NCAM2: variants seen among roughly 807,000 people sequenced by gnomAD.
The protein encoded by NCAM2 is N-CAM-2.
NCAM2 carries 30 observed loss-of-function variants against 98.1 expected under a neutral mutation model. The ratio of observed to expected loss-of-function variants is 0.31; its 90% CI spans 0.23 to 0.41. The LOEUF is 0.41. NCAM2 is among the 10% of genes least tolerant of loss of function. The pLI, the probability that NCAM2 is intolerant of heterozygous loss-of-function variation, is 1.00. For missense variants in NCAM2, 867 were observed against 1,005.8 expected, an observed-to-expected ratio of 0.86 and a Z score of 1.87; for synonymous variants, 368 against 342.4, an observed-to-expected ratio of 1.07 and a Z score of -0.83.
At chr21:21,278,059 T>C (rs2072792808) in intron 1 of NCAM2, among the ~76,000 whole-genome samples, 1 of 152,098 alleles carries the variant, frequency 6.6e-6, no homozygotes, top group South Asian at 2.1e-4. Flanking sequence ...GATGGCAAGA[T>C]TAGATTTTGA....
chr21:21,170,838 G>A (rs979084309), intron 1 of NCAM2, among the ~76,000 whole-genome samples: 1 of 152,110 alleles, frequency 6.6e-6, no homozygotes, highest in South Asian at 2.1e-4. Context: ...TCCTAGAGGG[G>A]GGAAGGCTGT....
chr21:21,427,233 AG>A (rs1357467355), intron 11 of NCAM2, among the ~76,000 whole-genome samples: 6 of 152,164 alleles, frequency 3.9e-5, no homozygotes, highest in Non-Finnish European at 2.9e-5. Context: ...AACAAAAAAA[AG>A]AGATCTTTAT....
chr21:21,383,841 T>G (rs232425), intron 9 of NCAM2, among the ~76,000 whole-genome samples: 57,480 of 151,834 alleles, frequency 0.38, 11,202 homozygotes, highest in East Asian at 0.58. Context: ...TTTCACATTG[T>G]TTAGAGTATT....
chr21:21,018,130 A>G (rs566368795), intron 1 of NCAM2, among the ~76,000 whole-genome samples: 1 of 152,322 alleles, frequency 6.6e-6, no homozygotes, highest in East Asian at 1.9e-4. Flanking sequence ...ACTGAAGACT[A>G]ATTAGCCAGT....
At chr21:21,182,859 G>A (rs757015641) in intron 1 of NCAM2, among the ~76,000 whole-genome samples, 14 of 152,056 alleles carry the variant, frequency 9.2e-5, no homozygotes, top group South Asian at 2.1e-4. Context: ...CATCCAAATC[G>A]TTTTAGTCAC....
At chr21:21,312,722 C>G (rs1601943537) in intron 5 of NCAM2, among the ~76,000 whole-genome samples, 1 of 151,656 alleles carries the variant, frequency 6.6e-6, no homozygotes, top group East Asian at 1.9e-4. Context: ...CAGCATAATG[C>G]TGTGTTCATA....
chr21:21,081,615 A>G (rs1187788408), intron 1 of NCAM2, among the ~76,000 whole-genome samples: 3 of 149,758 alleles, frequency 2.0e-5, no homozygotes, highest in Non-Finnish European at 4.4e-5. Context: ...AGCCTGGCCA[A>G]CATGGTGAAA....
In NCAM2 at chr21:21,533,491, C is replaced by T. The variant is rs1024694588; in HGVS notation, c.2283-1046C>T. Among the ~76,000 whole-genome samples, 5 of 151,648 alleles carry T rather than the reference C, an allele frequency of 3.3e-5. No individual in the cohort carries two copies. The South Asian group carries it at 6.2e-4, about 19-fold the overall frequency. ...TATTAGTAGTAATTTTCAGTTTTACCGATGGACCACAGCTTACTTACCCAT... is the reference window on the plus strand; with the variant it reads ...TATTAGTAGTAATTTTCAGTTTTACTGATGGACCACAGCTTACTTACCCAT... On this transcript the variant is annotated intron_variant, in intron 16 of 17. Transcript: ENST00000400546.
At chr21:21,207,990 T>TCAA (rs2147064620) in intron 1 of NCAM2, among the ~76,000 whole-genome samples, 1 of 152,280 alleles carries the variant, frequency 6.6e-6, no homozygotes, top group African/African-American at 2.4e-5. Context: ...GGTATGACTG[T>TCAA]CATTCTTCCA....
At chr21:21,444,282 G>A (rs1979753440) in intron 12 of NCAM2, among the ~76,000 whole-genome samples, 1 of 152,176 alleles carries the variant, frequency 6.6e-6, no homozygotes, top group Admixed American at 6.5e-5. Context: ...AGGGATATTG[G>A]CGTGAAGCTT....
At chr21:21,025,149 A>G (rs936335412) in intron 1 of NCAM2, among the ~76,000 whole-genome samples, 12 of 151,580 alleles carry the variant, frequency 7.9e-5, no homozygotes, top group Non-Finnish European at 1.6e-4. Context: ...GCAGTGGTGC[A>G]ATCTCGGCTC....
At chr21:21,452,108 CTTATG>C (rs147875442) in intron 12 of NCAM2, among the ~76,000 whole-genome samples, 9,956 of 151,166 alleles carry the variant, frequency 0.066, 500 homozygotes, top group African/African-American at 0.13. Flanking sequence ...GACTTTATCT[CTTATG>C]TTATGTAATT....
At chr21:21,415,690 C>T (rs2076980956) in intron 10 of NCAM2, among the ~76,000 whole-genome samples, 1 of 152,126 alleles carries the variant, frequency 6.6e-6, no homozygotes, top group South Asian at 2.1e-4. Context: ...ACTTGCTGCT[C>T]CACCTTGTAT....
At chr21:21,329,483 T>C (rs1039392308) in intron 6 of NCAM2, among the ~76,000 whole-genome samples, 7 of 152,178 alleles carry the variant, frequency 4.6e-5, no homozygotes, top group African/African-American at 1.4e-4. Context: ...GCTACAAAAT[T>C]GACTGGGGAC....
chr21:21,477,372 A>T lies in NCAM2; in HGVS notation c.1978A>T (p.Met660Leu), dbSNP rs1985302108. Residue 660 changes from methionine to leucine, a missense_variant, in exon 15 of 18, where the codon ATG becomes TTG. By Grantham distance (15) the Met-to-Leu change is conservative. Transcript: ENST00000400546. ...HIILEHLQWT[M>L]GYEVQITAAN... ...CATTTTGGAGCATCTCCAGTGGACC[A>T]TGGGGTATGAAGTTCAGATTACAGC... 1 of 1,612,720 alleles carries T rather than the reference A, an allele frequency of 6.2e-7. No individual in the cohort carries two copies. Among genetic ancestry groups the T allele is most frequent in the African/African-American group, 1.3e-5 (1 of 74,912 alleles).
intron 15 of NCAM2, among the ~76,000 whole-genome samples, chr21:21,507,858 G>T (rs1988091395): frequency 6.7e-6 from 1 of 148,180 alleles, no homozygotes; most frequent in East Asian, 2.0e-4. Flanking sequence ...GAATCATTTT[G>T]AATGCCTATC....
chr21:21,509,133 G>T, intron 16 of NCAM2, 78 bp downstream of exon 16: 2 of 1,393,692 alleles, frequency 1.4e-6, no homozygotes, highest in East Asian at 4.6e-5. Flanking sequence ...TGAGGGCGTT[G>T]TAGGGTAAAG....
At chr21:21,397,645 G>A (rs1436713964) in intron 9 of NCAM2, among the ~76,000 whole-genome samples, 1 of 152,208 alleles carries the variant, frequency 6.6e-6, no homozygotes, top group South Asian at 2.1e-4. Flanking sequence ...GGGGAAGGGG[G>A]AGTTCCTCAC....
At chr21:21,361,770 C>G (rs2075652405) in intron 8 of NCAM2, among the ~76,000 whole-genome samples, 1 of 152,140 alleles carries the variant, frequency 6.6e-6, no homozygotes, top group Non-Finnish European at 1.5e-5. Context: ...TACTGTACTT[C>G]TTTTTCCCCT....
Sources: gnomAD v4.1 joint callset for allele counts (sites outside exome capture counted in the v4.1 genomes callset) on GRCh38, gnomAD v4.1.1 for gene constraint, MANE v1.5 for transcripts, NCBI Gene and HGNC (gene_info 2026-07-23, HGNC 2026-07-21) for gene names.